The following PAK2 variants were observed in gnomAD, a reference collection of about 807,000 sequenced individuals.
The protein encoded by PAK2 is p21 (RAC1) activated kinase 2.
A neutral mutation model predicts 65.9 loss-of-function variants in PAK2; 21 were observed. That is an observed-to-expected ratio of 0.32 (90% CI 0.23 to 0.46). The LOEUF (loss-of-function observed/expected upper bound fraction) is 0.46, where lower values mean the gene tolerates loss of function less well. PAK2 is among the 20% of genes least tolerant of loss of function. PAK2 has a pLI of 1.00. For synonymous variants in PAK2, 204 were observed against 219.7 expected (o/e 0.93, Z 0.63); for missense variants, 324 against 642.6 (o/e 0.50, Z 5.36).
At chr3:196,759,498 G>GTTTTTGTTTTTTTTTTTTT (rs1713882169) in intron 1 of PAK2, among the ~76,000 whole-genome samples, 1 of 108,116 alleles carries the variant, frequency 9.2e-6, no homozygotes, top group African/African-American at 3.6e-5. Context: ...GGTTTTTTTT[G>GTTTTTGTTTTTTTTTTTTT]TTTTTTTTTT....
chr3:196,769,408 T>G (rs1332249905), intron 1 of PAK2, among the ~76,000 whole-genome samples: 1 of 152,024 alleles, frequency 6.6e-6, no homozygotes. Flanking sequence ...ACATAAAATG[T>G]ATTATTTAAG....
chr3:196,780,927 T>C (rs1194290835), intron 1 of PAK2, among the ~76,000 whole-genome samples: 1 of 152,202 alleles, frequency 6.6e-6, no homozygotes, highest in Non-Finnish European at 1.5e-5. Flanking sequence ...TAGCTGGGAC[T>C]ACAGGCGCCT....
At chr3:196,769,659 T>C (rs1213384742) in intron 1 of PAK2, among the ~76,000 whole-genome samples, 1 of 123,944 alleles carries the variant, frequency 8.1e-6, no homozygotes, top group Admixed American at 8.1e-5. Context: ...AAAAAAAAAA[T>C]ACAAAAAATT....
chr3:196,815,657 C>A (rs747478987), intron 11 of PAK2, among the ~76,000 whole-genome samples: 5 of 151,708 alleles, frequency 3.3e-5, no homozygotes, highest in Non-Finnish European at 5.9e-5. Flanking sequence ...TGTGGTGGTA[C>A]GCGCCTGTAG....
chr3:196,745,664 A>C (rs567759955), intron 1 of PAK2, among the ~76,000 whole-genome samples: 7 of 152,188 alleles, frequency 4.6e-5, no homozygotes, highest in African/African-American at 1.7e-4. Flanking sequence ...AACACAAAAA[A>C]TTAGCTGGGT....
At chr3:196,766,627 G>A (rs554119388) in intron 1 of PAK2, among the ~76,000 whole-genome samples, 1 of 152,158 alleles carries the variant, frequency 6.6e-6, no homozygotes, top group African/African-American at 2.4e-5. Flanking sequence ...ATAATTTACG[G>A]AGTTCCAAAA....
chr3:196,767,084 G>A lies in PAK2; in HGVS notation c.-21-15542G>A, dbSNP rs1714193649. 2.0e-5 allele frequency among the ~76,000 whole-genome samples: 3 copies of A among 151,600 alleles called. No homozygotes were observed. In the South Asian group the frequency reaches 6.2e-4, roughly 32 times the overall value. On this transcript the variant is annotated intron_variant, in intron 1 of 14. Coordinates refer to ENST00000327134, the MANE Select transcript of PAK2 (RefSeq NM_002577.4). ...ATATTATGGAGATTACTCCATGGCA[G>A]TATATGGAGCTATTTTCTCATTTGT...
intron 1 of PAK2, among the ~76,000 whole-genome samples, chr3:196,748,237 C>T (rs1713455916): frequency 6.6e-6 from 1 of 152,114 alleles, no homozygotes; most frequent in Admixed American, 6.6e-5. Context: ...CCATATACCC[C>T]ATGCTCCTCA....
At chr3:196,763,512 G>A (rs980805452) in intron 1 of PAK2, among the ~76,000 whole-genome samples, 3 of 152,122 alleles carry the variant, frequency 2.0e-5, no homozygotes, top group African/African-American at 4.8e-5. Context: ...GGACAGAAAT[G>A]ATGAATTTGG....
At chr3:196,815,005 C>A (rs112159825) in intron 11 of PAK2, among the ~76,000 whole-genome samples, 2,155 of 151,386 alleles carry the variant, frequency 0.014, 51 homozygotes, top group African/African-American at 0.05. Context: ...CGGTGAAACC[C>A]TGTCTCTACT....
At chr3:196,795,078 C>T (rs1715205895) in intron 2 of PAK2, among the ~76,000 whole-genome samples, 2 of 152,184 alleles carry the variant, frequency 1.3e-5, no homozygotes, top group South Asian at 2.1e-4. Context: ...AAACTGTAAA[C>T]CCACAGATTC....
chr3:196,821,854 G>T (rs915778148), intron 13 of PAK2, among the ~76,000 whole-genome samples: 1 of 152,178 alleles, frequency 6.6e-6, no homozygotes, highest in Non-Finnish European at 1.5e-5. Flanking sequence ...AGAGCCAAGA[G>T]AATTAAAATC....
At chr3:196,804,001 T>C (rs1715500490) in intron 4 of PAK2, among the ~76,000 whole-genome samples, 1 of 152,194 alleles carries the variant, frequency 6.6e-6, no homozygotes, top group African/African-American at 2.4e-5. Context: ...TCCCACACAC[T>C]GGTTCATGCT....
In PAK2 at chr3:196,751,253, A is replaced by G. The variant is rs536194311; in HGVS notation, c.-22+11096A>G. On this transcript the variant is annotated intron_variant, in intron 1 of 14. Transcript: ENST00000327134. ...CTAATCTGAAAATCCAAAATCCGAA[A>G]TGCTCCAAATTCCAGCACTTTCTGA... Among the ~76,000 whole-genome samples the G allele has an allele frequency of 6.6e-5, 10 of 152,264 alleles. No homozygotes were observed. In the South Asian group the frequency reaches 1.9e-3, roughly 28 times the overall value.
intron 1 of PAK2, among the ~76,000 whole-genome samples, chr3:196,761,749 C>G (rs1446089134): frequency 6.8e-6 from 1 of 147,688 alleles, no homozygotes; most frequent in Non-Finnish European, 1.5e-5. Flanking sequence ...AGAGGCGCCC[C>G]TCACCTCCCG....
chr3:196,768,058 T>A (rs1285213189), intron 1 of PAK2, among the ~76,000 whole-genome samples: 1 of 152,050 alleles, frequency 6.6e-6, no homozygotes, highest in African/African-American at 2.4e-5. Flanking sequence ...GAAAATTCAG[T>A]GTATGCTAAA....
At chr3:196,760,337 G>A (rs1434392876) in intron 1 of PAK2, among the ~76,000 whole-genome samples, 3 of 151,908 alleles carry the variant, frequency 2.0e-5, no homozygotes, top group South Asian at 4.2e-4. Flanking sequence ...TACAACCTCC[G>A]TCTCCCGGGT....
chr3:196,766,336 C>T (rs1358913177), intron 1 of PAK2, among the ~76,000 whole-genome samples: 2 of 152,032 alleles, frequency 1.3e-5, no homozygotes, highest in East Asian at 3.8e-4. Context: ...GCTAATAACC[C>T]GGTCATAATC....
intron 2 of PAK2, among the ~76,000 whole-genome samples, chr3:196,793,045 G>A (rs1003990336): frequency 6.6e-6 from 1 of 152,114 alleles, no homozygotes; most frequent in Admixed American, 6.6e-5. Context: ...CACTGTGTCG[G>A]AGTGGGGGTA....
Sources: gnomAD v4.1 joint callset for allele counts (sites outside exome capture counted in the v4.1 genomes callset) on GRCh38, gnomAD v4.1.1 for gene constraint, MANE v1.5 for transcripts, NCBI Gene and HGNC (gene_info 2026-07-23, HGNC 2026-07-21) for gene names.